PRKCG: variants seen among roughly 807,000 people sequenced by gnomAD.
PRKCG encodes protein kinase C gamma type.
In PRKCG, 28 loss-of-function variants were observed where a neutral mutation model predicts 82.0. The observed-to-expected ratio is 0.34, with a 90% confidence interval of 0.25 to 0.47. The LOEUF (loss-of-function observed/expected upper bound fraction) is 0.47. Ranked by LOEUF, PRKCG falls within the 20% of genes least tolerant of loss-of-function variation. The pLI, the probability that PRKCG is intolerant of heterozygous loss-of-function variation, is 1.00. For missense variants in PRKCG, 640 were observed against 952.7 expected (o/e 0.67, Z 4.32); for synonymous variants, 383 against 376.6 (o/e 1.02, Z -0.20).
Position 53,906,207 on chromosome 19 carries a change from C to T in PRKCG, c.1765-110C>T, listed in dbSNP as rs2068809144. On this transcript the variant is annotated intron_variant, in intron 16 of 17. Coordinates refer to ENST00000263431, the MANE Select transcript of PRKCG (RefSeq NM_002739.5). ...TGTTCTTATCTCTCCGGATCTCATGCCTGTGTCTCTTGGTTCCTCCATCTG... is the reference window on the plus strand; with the variant it reads ...TGTTCTTATCTCTCCGGATCTCATGTCTGTGTCTCTTGGTTCCTCCATCTG... The T allele has an allele frequency of 5.7e-6, 8 of 1,406,530 alleles. 1 individual carries two copies. In the South Asian group the frequency reaches 9.9e-5, roughly 17 times the overall value. The allele number at this position is 1,406,530 out of a possible 1,614,324, so 87.1% of individuals were successfully genotyped here.
chr19:53,903,539 A>G (rs1004014493), intron 15 of PRKCG, among the ~76,000 whole-genome samples: 1 of 152,190 alleles, frequency 6.6e-6, no homozygotes, highest in Non-Finnish European at 1.5e-5. Flanking sequence ...GGATTCCTGG[A>G]CTGCTGAGTG....
At position 53,892,782 on chromosome 19, in the gene PRKCG, G is replaced by A. The variant is rs41275812; in HGVS notation, c.821+139G>A. On this transcript the variant is annotated intron_variant, in intron 7 of 17. Transcript: ENST00000263431. This position sits in a 1 kb window ranked among gnomAD's most constrained non-coding sequence, Gnocchi z 5.9. ...CACACACACACACACACACACACAC[G>A]CACACACACGCACACACCCCTCTCT... The A allele has an allele frequency of 0.018, 14,156 of 782,554 alleles. 326 individuals are homozygous for A. In the African/African-American group the frequency reaches 0.21, roughly 12 times the overall value. 48.5% of individuals were successfully genotyped at this position (782,554 alleles called of 1,614,324 possible). A position where few individuals can be genotyped will look rare whatever the true frequency, so the allele number is the denominator to read the frequency against.
chr19:53,894,724 C>A lies in PRKCG; in HGVS notation c.939+1333C>A, dbSNP rs150562015. On this transcript the variant is annotated intron_variant, in intron 9 of 17. Coordinates refer to ENST00000263431, the MANE Select transcript of PRKCG (RefSeq NM_002739.5). Reference sequence around the variant, plus strand: ...ATCCACCCGCCTTGGCCTCCCAAAGCGCTGAGATTAGAGGCGTGAGCGACC... The same window carrying A: ...ATCCACCCGCCTTGGCCTCCCAAAGAGCTGAGATTAGAGGCGTGAGCGACC... Among the ~76,000 whole-genome samples, 51 of 152,156 alleles carry A rather than the reference C, an allele frequency of 3.4e-4. No individual in the cohort carries two copies. In the East Asian group the frequency reaches 9.3e-3, roughly 28 times the overall value.
At chr19:53,899,401 G>A (rs1198680811) in intron 11 of PRKCG, among the ~76,000 whole-genome samples, 1 of 152,162 alleles carries the variant, frequency 6.6e-6, no homozygotes, top group Non-Finnish European at 1.5e-5. Context: ...TCCGAGTGAC[G>A]GGGTCATCAC....
rs775882143 is a variant in PRKCG, at chr19:53,897,968, A to G, written c.949A>G (p.Met317Val). The G allele has an allele frequency of 6.2e-7, 1 of 1,613,788 alleles. No homozygotes were observed. Among genetic ancestry groups the G allele is most frequent in the South Asian group, 1.1e-5 (1 of 91,064 alleles). Reference sequence around the variant, plus strand: ...TTTCTCCTTTCCACAGCGGGTGCGGATGGGCCCCTCTTCCTCTCCCATCCC... The same window carrying G: ...TTTCTCCTTTCCACAGCGGGTGCGGGTGGGCCCCTCTTCCTCTCCCATCCC... The part of the protein sequence containing the change: ...YPLELYERVR[M>V]GPSSSPIPSP... Residue 317 changes from methionine (M) to valine (V), a missense_variant, in exon 10 of 18, where the codon ATG becomes GTG. Transcript: ENST00000263431.
At chr19:53,905,705 C>T (rs1469759114) in intron 16 of PRKCG, among the ~76,000 whole-genome samples, 1 of 119,732 alleles carries the variant, frequency 8.4e-6, no homozygotes, top group African/African-American at 3.3e-5. Context: ...CCCCTACCGA[C>T]CTCCCTCTGT....
chr19:53,900,448 T>C lies in PRKCG; in HGVS notation c.1403T>C (p.Leu468Pro), dbSNP rs1398783758. The C allele has an allele frequency of 6.2e-7, 1 of 1,614,146 alleles. No individual in the cohort carries two copies. The highest frequency in any genetic ancestry group is 1.7e-5 in the Admixed American group (1 of 60,024). The part of the protein sequence containing the change: ...AFYAAEIAIG[L>P]FFLHNQGIIY... ...TACGCGGCAGAAATCGCTATCGGCC[T>C]CTTCTTCCTTCACAATCAGGGCATC... is the stretch of plus-strand genomic sequence containing the variant. The change falls in exon 13 of 18, where the codon CTC becomes CCC. Residue 468 changes from leucine (L) to proline (P), a missense_variant. Physicochemically the swap from Leu to Pro is moderately conservative, Grantham distance 98. Around this residue, in one of 7 missense-constraint regions of PRKCG, gnomAD observed 78 missense variants for 105.6 expected, o/e 0.74. Coordinates refer to ENST00000263431, the MANE Select transcript of PRKCG (RefSeq NM_002739.5). The surrounding 1 kb of genome is among the most constrained non-coding windows in gnomAD (Gnocchi z 4.2).
At position 53,906,919 on chromosome 19, in the gene PRKCG, C is replaced by T; in HGVS notation, c.*24C>T. The T allele has an allele frequency of 6.2e-7, 1 of 1,613,192 alleles. No homozygotes were observed. The stretch of plus-strand genomic sequence containing the variant: ...AATCTCACCCGCCGCCACTAGGTGT[C>T]CCCAACGTCCCCTCCGCCGTGCCGG... On this transcript the variant is annotated 3_prime_UTR_variant, in exon 18 of 18. Coordinates refer to ENST00000263431, the MANE Select transcript of PRKCG (RefSeq NM_002739.5).
rs1277716410 is a variant in PRKCG, at chr19:53,884,172, G to C, written c.214G>C (p.Val72Leu). 6.2e-7 allele frequency: 1 copy of C among 1,614,126 alleles called. No individual in the cohort carries two copies. The highest frequency in any genetic ancestry group is 1.7e-5 in the Admixed American group (1 of 60,020). The change falls in exon 3 of 18, where the codon GTG becomes CTG. Residue 72 changes from valine to leucine, a missense_variant. By Grantham distance (32) the Val-to-Leu change is conservative. Coordinates refer to ENST00000263431, the MANE Select transcript of PRKCG (RefSeq NM_002739.5). This position sits in a 1 kb window ranked among gnomAD's most constrained non-coding sequence, Gnocchi z 4.6. Reference protein sequence around the residue: ...QGLQCQVCSFVVHRRCHEFVT... With the variant: ...QGLQCQVCSFLVHRRCHEFVT... ...ATTTTCATCTATAGTCTGCAGCTTT[G>C]TGGTTCATCGACGATGCCACGAATT...
chr19:53,899,479 CAG>C lies in PRKCG; in HGVS notation c.1282-749_1282-748del, dbSNP rs1449082278. 5.3e-5 allele frequency among the ~76,000 whole-genome samples: 8 copies of C among 152,230 alleles called. No individual in the cohort carries two copies. The East Asian group carries it at 1.2e-3, about 22-fold the overall frequency. ...TTTCCTTAGGATTGCGACTTAGGGGCAGAGAGTCAGAACCTGCAAGATTTTAA... is the reference window on the plus strand; with the variant it reads ...TTTCCTTAGGATTGCGACTTAGGGGCAGAGTCAGAACCTGCAAGATTTTAA... On this transcript the variant is annotated intron_variant, in intron 11 of 17. Transcript: ENST00000263431.
At chr19:53,896,449 T>G (rs1163770070) in intron 9 of PRKCG, among the ~76,000 whole-genome samples, 1 of 151,496 alleles carries the variant, frequency 6.6e-6, no homozygotes, top group African/African-American at 2.4e-5. Context: ...AGACACAGTC[T>G]CGCTCTGTCG....
chr19:53,882,260 GC>G lies in PRKCG; in HGVS notation c.-231del. On this transcript the variant is annotated 5_prime_UTR_variant, in exon 1 of 18. Coordinates refer to ENST00000263431, the MANE Select transcript of PRKCG (RefSeq NM_002739.5). This position sits in a 1 kb window ranked among gnomAD's most constrained non-coding sequence, Gnocchi z 6.1. ...GCCGCCCGTGCCTCCGGCTGCCGGCGCCCCTGCCTTTGGCTCTTCCTCCCCA... is the reference window on the plus strand; with the variant it reads ...GCCGCCCGTGCCTCCGGCTGCCGGCGCCCTGCCTTTGGCTCTTCCTCCCCA... 1.7e-6 allele frequency: 1 copy of G among 584,710 alleles called. No homozygotes were observed. The highest frequency in any genetic ancestry group is 3.0e-5 in the Admixed American group (1 of 33,886). 36.2% of individuals were successfully genotyped at this position (584,710 alleles called of 1,614,324 possible).
At chr19:53,906,057 CCTCCT>C in intron 16 of PRKCG, among the ~76,000 whole-genome samples, 1 of 59,136 alleles carries the variant, frequency 1.7e-5, no homozygotes, top group African/African-American at 1.9e-4. Context: ...TCCTCCTCCT[CCTCCT>C]CCTCCTCCTC....
In PRKCG at chr19:53,899,109, C is replaced by T. The variant is rs117463998; in HGVS notation, c.1281+481C>T. 6.0e-4 allele frequency among the ~76,000 whole-genome samples: 85 copies of T among 142,780 alleles called. 1 individual carries two copies. In the East Asian group the frequency reaches 0.017, roughly 29 times the overall value. The allele number at this position is 142,780 out of a possible 152,430, so 93.7% of individuals were successfully genotyped here. Reference sequence around the variant, plus strand: ...AGCGTATCCAGGCAGGTAGATTCTTCGGAGGGCGTGGTCGGGCGGATGAGC... The same window carrying T: ...AGCGTATCCAGGCAGGTAGATTCTTTGGAGGGCGTGGTCGGGCGGATGAGC... On this transcript the variant is annotated intron_variant, in intron 11 of 17. Coordinates refer to ENST00000263431, the MANE Select transcript of PRKCG (RefSeq NM_002739.5).
Position 53,889,997 on chromosome 19 carries a change from C to T in PRKCG, c.509C>T (p.Ala170Val). Residue 170 changes from alanine to valine, a missense_variant, in exon 5 of 18, where the codon GCA becomes GTA. Around this residue, in one of 7 missense-constraint regions of PRKCG, gnomAD observed 261 missense variants for 312.1 expected, o/e 0.84. Coordinates refer to ENST00000263431, the MANE Select transcript of PRKCG (RefSeq NM_002739.5). This position sits in a 1 kb window ranked among gnomAD's most constrained non-coding sequence, Gnocchi z 4.4. ...RLQLEIRAPT[A>V]DEIHVTVGEA... ...CAGCTGGAGATCCGGGCTCCCACAG[C>T]AGATGAGATCCACGTAACTGGTGAG... 1.3e-6 allele frequency: 2 copies of T among 1,567,380 alleles called. No individual in the cohort carries two copies. Among genetic ancestry groups the T allele is most frequent in the Non-Finnish European group, 1.7e-6 (2 of 1,158,496 alleles).
chr19:53,893,298 C>T (rs1374468780), intron 8 of PRKCG, 64 bp from the exon 9 acceptor site: 2 of 1,547,274 alleles, frequency 1.3e-6, no homozygotes, highest in East Asian at 4.5e-5. Context: ...GGGCCACCAG[C>T]CCCTGTTCTA....
At chr19:53,891,969 G>T in intron 6 of PRKCG, 139 bp downstream of exon 6, 1 of 1,122,126 alleles carries the variant, frequency 8.9e-7, no homozygotes, top group Non-Finnish European at 1.3e-6. Context: ...GGTGGGAAAA[G>T]GGAATAGAGT....
upstream of PRKCG, among the ~76,000 whole-genome samples, chr19:53,881,223 CAG>C (rs1223741389): frequency 6.6e-6 from 1 of 151,758 alleles, no homozygotes; most frequent in African/African-American, 2.4e-5. Flanking sequence ...CAAACAAAAA[CAG>C]AGACGGAGTT....
At chr19:53,887,858 G>A (rs1334100575) in intron 3 of PRKCG, among the ~76,000 whole-genome samples, 1 of 151,228 alleles carries the variant, frequency 6.6e-6, no homozygotes, top group Non-Finnish European at 1.5e-5. Context: ...AAAGTAACAT[G>A]GATCAAGATT....
Sources: allele counts gnomAD v4.1 joint callset (sites outside exome capture counted in the v4.1 genomes callset), GRCh38; gene constraint gnomAD v4.1.1; regional missense constraint gnomAD v4.1.1; non-coding constraint Gnocchi (gnomAD v3.1); transcripts MANE v1.5; gene names NCBI Gene and HGNC (gene_info 2026-07-23, HGNC 2026-07-21).